Variants in PCNX3 observed in about 807,000 individuals in gnomAD.
PCNX3 encodes pecanex 3, also known as pecanex-like protein 3.
In PCNX3, 58 loss-of-function variants were observed where a neutral mutation model predicts 207.2. The observed-to-expected ratio is 0.28, with a 90% CI of 0.23 to 0.35. PCNX3 has a LOEUF of 0.35. Among genes scored for constraint, PCNX3 ranks in the 10% least tolerant of loss-of-function variants. The pLI is 1.00. For missense variants in PCNX3, 2,410 were observed against 2,774.4 expected, an observed-to-expected ratio of 0.87 and a Z score of 2.95; for synonymous variants, 1,337 against 1,183.5, an observed-to-expected ratio of 1.13 and a Z score of -2.66.
At position 65,627,477 on chromosome 11, in the gene PCNX3, G is replaced by A. The variant is rs1855450706; in HGVS notation, c.3597G>A (p.Gln1199=). The A allele has an allele frequency of 6.2e-7, 1 of 1,613,742 alleles. No homozygotes were observed. The highest frequency in any genetic ancestry group is 1.3e-5 in the African/African-American group (1 of 75,038). The part of the protein sequence containing the change: ...LRSAFCCPPQ[Q]YLTLAFTVLL... ...CAGCCTTCTGCTGCCCCCCACAGCAGTACCTGACGTTGGCCTTCACCGTCC... is the reference window on the plus strand; with the variant it reads ...CAGCCTTCTGCTGCCCCCCACAGCAATACCTGACGTTGGCCTTCACCGTCC... Residue 1199 remains glutamine, a synonymous_variant, in exon 22 of 35, where the codon CAG becomes CAA. Coordinates refer to ENST00000355703, the MANE Select transcript of PCNX3 (RefSeq NM_032223.4).
intron 32 of PCNX3, 87 bp from the exon 33 acceptor site, chr11:65,636,087 T>C: frequency 6.6e-7 from 1 of 1,520,344 alleles, no homozygotes; most frequent in Non-Finnish European, 8.9e-7. Flanking sequence ...GTTAGATGAC[T>C]TGTCCTGGGG....
At chr11:65,634,940 C>T (rs780891660) in intron 29 of PCNX3, 33 bp from the exon 30 acceptor site, 3 of 1,595,514 alleles carry the variant, frequency 1.9e-6, no homozygotes, top group Admixed American at 1.7e-5. Flanking sequence ...CTCGACACCC[C>T]TCTCTCCCCT....
At position 65,618,999 on chromosome 11, in the gene PCNX3, G is replaced by C; in HGVS notation, c.1637G>C (p.Arg546Pro). 1 of 1,598,450 alleles carries C rather than the reference G, an allele frequency of 6.3e-7. No individual in the cohort carries two copies. Among genetic ancestry groups the C allele is most frequent in the East Asian group, 2.2e-5 (1 of 44,796 alleles). The part of the protein sequence containing the change: ...SEPVVLPAEA[R>P]RGPAANQPGW... ...CCTGTTGTGCTGCCTGCTGAGGCGC[G>C]AAGGGGACCCGCTGCCAACCAGCCC... The change falls in exon 6 of 35, where the codon CGA (arginine) becomes CCA (proline). Residue 546 changes from arginine to proline, a missense_variant. By Grantham distance (103) the Arg-to-Pro change is moderately radical. Transcript: ENST00000355703.
chr11:65,617,500 C>A lies in PCNX3; in HGVS notation c.472C>A (p.Pro158Thr), dbSNP rs1185975462. 3 of 1,613,804 alleles carry A rather than the reference C, an allele frequency of 1.9e-6. No homozygotes were observed. Among genetic ancestry groups the A allele is most frequent in the Non-Finnish European group, 2.5e-6 (3 of 1,179,894 alleles). ...GCTGCCCCGAATGGAGGACTCTGGG[C>A]CCCTTAGAGGTAGGTGGCTGCTCTT... ...ELLPRMEDSG[P>T]LRDIKELVRE... The change falls in exon 4 of 35, where the codon CCC becomes ACC. Residue 158 changes from proline to threonine, a missense_variant. Pro to Thr is a conservative substitution (Grantham distance 38). This residue lies in a region of PCNX3 where 1,104 missense variants were observed against 970.3 expected (regional missense o/e 1.14). Coordinates refer to ENST00000355703, the MANE Select transcript of PCNX3 (RefSeq NM_032223.4).
At chr11:65,636,362 G>A (rs748239092) in intron 33 of PCNX3, 29 bp from the exon 34 acceptor site, 3 of 1,591,256 alleles carry the variant, frequency 1.9e-6, no homozygotes, top group Non-Finnish European at 2.6e-6. Context: ...CCCAGCTGAG[G>A]CCTCTGCTGT....
Position 65,618,466 on chromosome 11 carries a change from A to G in PCNX3, c.1104A>G (p.Ala368=), listed in dbSNP as rs374436416. ...GTTCCTTTGACACGGTCATTGGAGC[A>G]GGGACGCCACCGGGCCTGGCTGAGC... ...TLRSFDTVIG[A]GTPPGLAEPL... Residue 368 remains alanine (A), a synonymous_variant, in exon 6 of 35, where the codon GCA becomes GCG. Transcript: ENST00000355703. 3 of 1,609,410 alleles carry G rather than the reference A, an allele frequency of 1.9e-6. No homozygotes were observed. The highest frequency in any genetic ancestry group is 1.3e-5 in the African/African-American group (1 of 74,834).
Position 65,625,316 on chromosome 11 carries a change from C to T in PCNX3, c.3029+36C>T. On this transcript the variant is annotated intron_variant, in intron 17 of 34. Coordinates refer to ENST00000355703, the MANE Select transcript of PCNX3 (RefSeq NM_032223.4). The surrounding 1 kb of genome is among the most constrained non-coding windows in gnomAD (Gnocchi z 5.6). ...TCCGGGTCGTGTGTTTGTGTCTGCC[C>T]AGTAGGGGTTTGTGGTCTGTGCATG... 1 of 1,594,900 alleles carries T rather than the reference C, an allele frequency of 6.3e-7. No individual in the cohort carries two copies. Among genetic ancestry groups the T allele is most frequent in the South Asian group, 1.1e-5 (1 of 90,662 alleles).
At chr11:65,636,103 G>A in intron 32 of PCNX3, 71 bp from the exon 33 acceptor site, 1 of 1,541,416 alleles carries the variant, frequency 6.5e-7, no homozygotes, top group Non-Finnish European at 8.8e-7. Flanking sequence ...TGGGGCTGAG[G>A]ACTCATGCTT....
rs1854861122 is a variant in PCNX3 at position 65,618,256 on chromosome 11, A to G, written c.894A>G (p.Ser298=). 1.2e-6 allele frequency: 2 copies of G among 1,609,928 alleles called. No homozygotes were observed. The highest frequency in any genetic ancestry group is 8.5e-7 in the Non-Finnish European group (1 of 1,178,098). ...GEPTPQKAGS[S]DSCFSGTDRE... ...CCACGCCCCAGAAAGCCGGCTCCTC[A>G]GACTCCTGCTTCAGCGGCACTGACA... The change falls in exon 6 of 35, where the codon TCA becomes TCG. Residue 298 remains serine (S), a synonymous_variant. Coordinates refer to ENST00000355703, the MANE Select transcript of PCNX3 (RefSeq NM_032223.4).
chr11:65,620,315 C>G (rs758554873), intron 8 of PCNX3, 24 bp from the exon 9 acceptor site: 1 of 1,602,258 alleles, frequency 6.2e-7, no homozygotes, highest in East Asian at 2.2e-5. Flanking sequence ...GCCACGCTGC[C>G]TCATCTCCCA....
chr11:65,621,580 G>A (rs554880534), intron 10 of PCNX3, among the ~76,000 whole-genome samples: 220 of 152,376 alleles, frequency 1.4e-3, no homozygotes, highest in South Asian at 5.8e-3. Flanking sequence ...CCACCTGCCC[G>A]CTTCTGGTTC....
At chr11:65,634,949 C>T (rs370940766) in intron 29 of PCNX3, 24 bp from the exon 30 acceptor site, 14 of 1,602,190 alleles carry the variant, frequency 8.7e-6, no homozygotes, top group Middle Eastern at 1.7e-4. Flanking sequence ...CCTCTCTCCC[C>T]TCCCTGTTTT....
Position 65,617,970 on chromosome 11 carries a change from C to T in PCNX3, c.608C>T (p.Ala203Val). The change falls in exon 6 of 35, where the codon GCT becomes GTT. Residue 203 changes from alanine (A) to valine (V), a missense_variant. By Grantham distance (64) the Ala-to-Val change is moderately conservative (BLOSUM62 0). Around this residue, in one of 8 missense-constraint regions of PCNX3, gnomAD observed 1,104 missense variants for 970.3 expected, o/e 1.14. Coordinates refer to ENST00000355703, the MANE Select transcript of PCNX3 (RefSeq NM_032223.4). Reference protein sequence around the residue: ...IGDLPQTPPGAVPDPSLASTD... With the variant: ...IGDLPQTPPGVVPDPSLASTD... Reference sequence around the variant, plus strand: ...GACCTTCCCCAGACGCCTCCAGGGGCTGTCCCAGACCCCTCTCTTGCCAGT... The same window carrying T: ...GACCTTCCCCAGACGCCTCCAGGGGTTGTCCCAGACCCCTCTCTTGCCAGT... 1 of 1,597,646 alleles carries T rather than the reference C, an allele frequency of 6.3e-7. No homozygotes were observed. The highest frequency in any genetic ancestry group is 8.5e-7 in the Non-Finnish European group (1 of 1,171,608).
At position 65,627,485 on chromosome 11, in the gene PCNX3, C is replaced by A. The variant is rs1022615807; in HGVS notation, c.3605C>A (p.Thr1202Lys). The change falls in exon 22 of 35, where the codon ACG becomes AAG. Residue 1202 changes from threonine (T) to lysine (K), a missense_variant. Around this residue, in one of 8 missense-constraint regions of PCNX3, gnomAD observed 333 missense variants for 386.8 expected, o/e 0.86. Coordinates refer to ENST00000355703, the MANE Select transcript of PCNX3 (RefSeq NM_032223.4). ...AFCCPPQQYL[T>K]LAFTVLLFHF... ...TGCTGCCCCCCACAGCAGTACCTGA[C>A]GTTGGCCTTCACCGTCCTGCTCTTC... is the stretch of plus-strand genomic sequence containing the variant. 1.2e-6 allele frequency: 2 copies of A among 1,613,828 alleles called. No individual in the cohort carries two copies. The highest frequency in any genetic ancestry group is 1.7e-6 in the Non-Finnish European group (2 of 1,179,872).
chr11:65,635,242 T>G lies in PCNX3; in HGVS notation c.4978T>G (p.Tyr1660Asp), dbSNP rs374515024. Residue 1660 changes from tyrosine (Y) to aspartate (D), a missense_variant, in exon 31 of 35, where the codon TAT becomes GAT. Physicochemically the swap from Tyr to Asp is radical, Grantham distance 160. This residue lies in a region of PCNX3 where 420 missense variants were observed against 705.3 expected (regional missense o/e 0.60). Coordinates refer to ENST00000355703, the MANE Select transcript of PCNX3 (RefSeq NM_032223.4). The surrounding 1 kb of genome is among the most constrained non-coding windows in gnomAD (Gnocchi z 9.9). ...HQDHFTSPDE[Y>D]EEPAALYDAI... ...GGACCACTTCACGTCCCCAGATGAA[T>G]ATGAGGAGCCAGCAGCCCTATACGA... 6.3e-7 allele frequency: 1 copy of G among 1,586,436 alleles called. No homozygotes were observed. The highest frequency in any genetic ancestry group is 1.8e-5 in the Admixed American group (1 of 54,756).
rs780325685 is a variant in PCNX3, at chr11:65,635,415, C to T, written c.5151C>T (p.Leu1717=). 6.2e-7 allele frequency: 1 copy of T among 1,611,860 alleles called. No homozygotes were observed. The highest frequency in any genetic ancestry group is 2.2e-5 in the East Asian group (1 of 44,852). Residue 1717 remains leucine, a synonymous_variant, in exon 31 of 35, where the codon CTC becomes CTT. Transcript: ENST00000355703. The surrounding 1 kb of genome is among the most constrained non-coding windows in gnomAD (Gnocchi z 9.9). The part of the protein sequence containing the change: ...DASDEYKIIM[L]NRRHLSFRVI... Reference sequence around the variant, plus strand: ...CCGACGAGTACAAGATCATCATGCTCAACCGGCGCCACCTCAGCTTCCGAG... The same window carrying T: ...CCGACGAGTACAAGATCATCATGCTTAACCGGCGCCACCTCAGCTTCCGAG...
Position 65,616,865 on chromosome 11 carries a change from C to T in PCNX3, c.195C>T (p.Leu65=), listed in dbSNP as rs764521062. ...PSLMVAGVYC[L]VVAVIFATIK... ...TGATGGTGGCCGGCGTGTACTGCCTCGTGGTGGCTGTCATCTTTGCTACTA... is the reference window on the plus strand; with the variant it reads ...TGATGGTGGCCGGCGTGTACTGCCTTGTGGTGGCTGTCATCTTTGCTACTA... The change falls in exon 2 of 35, where the codon CTC becomes CTT. Residue 65 remains leucine, a synonymous_variant. Transcript: ENST00000355703. The T allele has an allele frequency of 1.9e-6, 3 of 1,613,652 alleles. No individual in the cohort carries two copies. Among genetic ancestry groups the T allele is most frequent in the Admixed American group, 1.7e-5 (1 of 60,022 alleles).
At chr11:65,626,468 A>G (rs891413393) in intron 20 of PCNX3, 2 of 394,226 alleles carry the variant, frequency 5.1e-6, no homozygotes, top group Non-Finnish European at 4.8e-6. Context: ...TCGATTTGAG[A>G]TATGAAGATC....
At position 65,625,882 on chromosome 11, in the gene PCNX3, C is replaced by A; in HGVS notation, c.3229-22C>A. 2.5e-6 allele frequency: 4 copies of A among 1,608,850 alleles called. No individual in the cohort carries two copies. The highest frequency in any genetic ancestry group is 3.4e-6 in the Non-Finnish European group (4 of 1,176,976). ...CTTGGCCTGCTCCCATCAGCTGAGT[C>A]TCTGGCCTCTCCCTCCTGCAGTCGG... On this transcript the variant is annotated intron_variant, in intron 19 of 34. Transcript: ENST00000355703. This position sits in a 1 kb window ranked among gnomAD's most constrained non-coding sequence, Gnocchi z 5.6.
Sources: allele counts gnomAD v4.1 joint callset (sites outside exome capture counted in the v4.1 genomes callset), GRCh38; gene constraint gnomAD v4.1.1; regional missense constraint gnomAD v4.1.1; non-coding constraint Gnocchi (gnomAD v3.1); transcripts MANE v1.5; gene names NCBI Gene and HGNC (gene_info 2026-07-23, HGNC 2026-07-21).